CSPP1: variants seen among roughly 807,000 people sequenced by gnomAD.
The protein encoded by CSPP1 is centrosome and spindle pole associated protein 1, also known as centrosome and spindle pole-associated protein 1.
A neutral mutation model predicts 164.4 loss-of-function variants in CSPP1; 126 were observed. That is an observed-to-expected ratio of 0.77 (90% CI 0.66 to 0.89). CSPP1 has a LOEUF of 0.89. CSPP1 is among the 40% of genes least tolerant of loss of function. The pLI, the probability that CSPP1 is intolerant of heterozygous loss-of-function variation, is 0.00. For missense variants in CSPP1, 1,395 were observed against 1,449.8 expected (o/e 0.96, Z 0.61); for synonymous variants, 472 against 476.7 (o/e 0.99, Z 0.13).
chr8:67,139,212 C>A (rs1227012175), intron 17 of CSPP1, among the ~76,000 whole-genome samples: 1 of 152,210 alleles, frequency 6.6e-6, no homozygotes, highest in Non-Finnish European at 1.5e-5. Context: ...CAAACGAAGA[C>A]ATTTATGCAA....
chr8:67,164,572 T>C, intron 24 of CSPP1, 64 bp downstream of exon 24: 1 of 751,318 alleles, frequency 1.3e-6, no homozygotes, highest in Middle Eastern at 2.4e-4. Context: ...ACCTATCCAG[T>C]AATTTTGTAG....
rs2129549763 is a variant in CSPP1, at chr8:67,111,978, A to G, written c.1100A>G (p.Glu367Gly). 6 of 1,602,450 alleles carry G rather than the reference A, an allele frequency of 3.7e-6. No individual in the cohort carries two copies. The South Asian group carries it at 6.7e-5, about 18-fold the overall frequency. ...SPFAGMLFGG[E>G]DRELIQRRKE... The stretch of plus-strand genomic sequence containing the variant: ...TTCTCATACCACTATCTAGGAGGTG[A>G]AGATCGAGAACTTATTCAGAGAAGG... Residue 367 changes from glutamate (E) to glycine (G), a missense_variant, in exon 10 of 31, where the codon GAA becomes GGA. By Grantham distance (98) the Glu-to-Gly change is moderately conservative. Transcript: ENST00000678616.
intron 3 of CSPP1, among the ~76,000 whole-genome samples, chr8:67,078,603 C>T (rs574699991): frequency 9.9e-5 from 15 of 152,236 alleles, no homozygotes; most frequent in Non-Finnish European, 1.9e-4. Flanking sequence ...TCAAGCCATC[C>T]GCCTGCCTCG....
intron 15 of CSPP1, 21 bp from the exon 16 acceptor site, chr8:67,131,926 ATTAT>A (rs1821313543): frequency 6.4e-7 from 1 of 1,557,044 alleles, no homozygotes; most frequent in Non-Finnish European, 8.7e-7. Context: ...ATGGATTTAA[ATTAT>A]TTATTGTGTA....
intron 15 of CSPP1, among the ~76,000 whole-genome samples, chr8:67,127,458 C>T (rs555494305): frequency 2.2e-4 from 33 of 152,230 alleles, no homozygotes; most frequent in Middle Eastern, 6.8e-3. Context: ...AATCTCATCA[C>T]GAGGACTGTA....
Position 67,158,567 on chromosome 8 carries a change from C to A in CSPP1, c.2362C>A (p.Gln788Lys). Residue 788 changes from glutamine (Q) to lysine (K), a missense_variant, in exon 20 of 31, where the codon CAG becomes AAG. Coordinates refer to ENST00000678616, the MANE Select transcript of CSPP1 (RefSeq NM_001382391.1). ...ARIQQEYEEE[Q>K]EKKREKEEEQ... is the part of the protein sequence containing the mutation. ...AATTCAGCAGGAGTATGAAGAGGAACAGGAAAAGAAAAGAGAGAAAGAGGA... is the reference window on the plus strand; with the variant it reads ...AATTCAGCAGGAGTATGAAGAGGAAAAGGAAAAGAAAAGAGAGAAAGAGGA... 1.2e-6 allele frequency: 2 copies of A among 1,607,044 alleles called. No homozygotes were observed. Among genetic ancestry groups the A allele is most frequent in the Admixed American group, 1.7e-5 (1 of 59,134 alleles).
At chr8:67,142,976 C>T (rs566509199) in intron 17 of CSPP1, among the ~76,000 whole-genome samples, 9 of 152,256 alleles carry the variant, frequency 5.9e-5, no homozygotes, top group Admixed American at 3.3e-4. Flanking sequence ...CTGACGTTAA[C>T]GTCTTAGATA....
At chr8:67,180,950 A>C (rs192297401) in intron 28 of CSPP1, among the ~76,000 whole-genome samples, 10 of 151,958 alleles carry the variant, frequency 6.6e-5, no homozygotes, top group Non-Finnish European at 1.5e-4. Flanking sequence ...TCTAGTCTAC[A>C]TATTAGTTGT....
chr8:67,109,871 T>A (rs1207074502), intron 9 of CSPP1, among the ~76,000 whole-genome samples: 1 of 152,124 alleles, frequency 6.6e-6, no homozygotes, highest in Non-Finnish European at 1.5e-5. Context: ...TGTAAGAAAC[T>A]CTTCATCTCT....
At chr8:67,182,318 T>C (rs80245622) in intron 28 of CSPP1, among the ~76,000 whole-genome samples, 4,439 of 113,940 alleles carry the variant, frequency 0.039, 84 homozygotes, top group African/African-American at 0.1. Context: ...AGATTTCCCC[T>C]TTTTTTTTTT....
Position 67,184,294 on chromosome 8 carries a change from A to C in CSPP1, c.3220+4368A>C, listed in dbSNP as rs193113079. Among the ~76,000 whole-genome samples, 400 of 152,374 alleles carry C rather than the reference A, an allele frequency of 2.6e-3. 2 individuals carry two copies. Among genetic ancestry groups the C allele is most frequent in the Middle Eastern group, 0.01 (3 of 294 alleles). ...AATTAAATCCAAAGTAAGCAGAAGA[A>C]GAGAAATAAAAATTGGAGCAGAAAT... On this transcript the variant is annotated intron_variant, in intron 28 of 30. Coordinates refer to ENST00000678616, the MANE Select transcript of CSPP1 (RefSeq NM_001382391.1).
intron 28 of CSPP1, 68 bp downstream of exon 28, chr8:67,179,994 A>G: frequency 2.4e-6 from 2 of 848,718 alleles, no homozygotes; most frequent in Non-Finnish European, 3.9e-6. Flanking sequence ...CTTAAAAACC[A>G]GTACTGTATT....
intron 28 of CSPP1, among the ~76,000 whole-genome samples, chr8:67,183,872 A>G (rs1270500938): frequency 3.5e-5 from 2 of 57,882 alleles, no homozygotes; most frequent in African/African-American, 1.9e-4. Flanking sequence ...TTTTTTTTTT[A>G]GACAAAGTCT....
intron 3 of CSPP1, among the ~76,000 whole-genome samples, chr8:67,078,380 C>T (rs955191677): frequency 1.4e-4 from 22 of 151,928 alleles, no homozygotes; most frequent in Admixed American, 9.2e-4. Flanking sequence ...CTTACTTTGT[C>T]GCCCAGGCTG....
At chr8:67,114,877 A>G (rs958700450) in intron 12 of CSPP1, 3 of 152,236 alleles carry the variant, frequency 2.0e-5, no homozygotes, top group Admixed American at 6.5e-5. Context: ...ATGAGAATAA[A>G]TAAGTAATTG....
At chr8:67,091,499 C>T (rs1811601167) in intron 4 of CSPP1, among the ~76,000 whole-genome samples, 2 of 152,044 alleles carry the variant, frequency 1.3e-5, no homozygotes, top group Non-Finnish European at 2.9e-5. Flanking sequence ...GCTTAGAAGA[C>T]GAAATTGGGA....
intron 7 of CSPP1, among the ~76,000 whole-genome samples, chr8:67,100,226 G>A (rs760624852): frequency 8.5e-5 from 13 of 152,066 alleles, no homozygotes; most frequent in Non-Finnish European, 1.6e-4. Context: ...TGATTTTGCT[G>A]TAGATTTTAG....
intron 2 of CSPP1, among the ~76,000 whole-genome samples, chr8:67,076,112 T>C (rs555401599): frequency 1.2e-3 from 176 of 152,186 alleles, no homozygotes; most frequent in African/African-American, 3.9e-3. Context: ...AACCACTTCC[T>C]GCCACTATCT....
chr8:67,151,476 GT>G (rs1825676173), intron 18 of CSPP1, among the ~76,000 whole-genome samples: 1 of 152,064 alleles, frequency 6.6e-6, no homozygotes, highest in Admixed American at 6.6e-5. Flanking sequence ...ACCTGGTATT[GT>G]TTGTAGTTCT....
Sources: allele counts gnomAD v4.1 joint callset (sites outside exome capture counted in the v4.1 genomes callset), GRCh38; gene constraint gnomAD v4.1.1; transcripts MANE v1.5; gene names NCBI Gene and HGNC (gene_info 2026-07-23, HGNC 2026-07-21).